KDM4B: variants seen among roughly 807,000 people sequenced by gnomAD.
The protein encoded by KDM4B is lysine-specific demethylase 4B.
A neutral mutation model predicts 125.2 loss-of-function variants in KDM4B; 32 were observed. The ratio of observed to expected loss-of-function variants is 0.26; its 90% CI spans 0.19 to 0.34. The LOEUF (loss-of-function observed/expected upper bound fraction) is 0.34, where lower values mean the gene tolerates loss of function less well. KDM4B is among the 10% of genes least tolerant of loss of function. The probability of loss-of-function intolerance (pLI) is 1.00; values close to 1 mark genes in which losing one functional copy is unlikely to be tolerated. For synonymous variants in KDM4B, 721 were observed against 677.9 expected (o/e 1.06, Z -0.99); for missense variants, 1,190 against 1,577.7 (o/e 0.75, Z 4.16).
At chr19:5,127,449 G>A (rs1461939374) in intron 11 of KDM4B, among the ~76,000 whole-genome samples, 1 of 152,198 alleles carries the variant, frequency 6.6e-6, no homozygotes, top group Admixed American at 6.5e-5. Flanking sequence ...AGCCGACAGG[G>A]AGAGGGCTGG....
chr19:5,110,974 C>T (rs949320942), intron 10 of KDM4B, among the ~76,000 whole-genome samples, 156 bp downstream of exon 10: 13 of 152,224 alleles, frequency 8.5e-5, no homozygotes, highest in Admixed American at 1.3e-4. Context: ...CGTCCTCCTC[C>T]TCCTGTTCTG....
intron 6 of KDM4B, among the ~76,000 whole-genome samples, chr19:5,069,761 C>G (rs539998433): frequency 1.0e-3 from 159 of 152,166 alleles, no homozygotes; most frequent in African/African-American, 3.7e-3. Flanking sequence ...TTACAGCCTC[C>G]TGAGTAGCTG....
intron 1 of KDM4B, among the ~76,000 whole-genome samples, chr19:4,992,328 CTCT>C: frequency 6.6e-6 from 1 of 152,208 alleles, no homozygotes; most frequent in Non-Finnish European, 1.5e-5. Flanking sequence ...TTTCCGTGTG[CTCT>C]TCTTTTTCCA....
chr19:5,083,320 T>G (rs1214629071), intron 9 of KDM4B, among the ~76,000 whole-genome samples: 1 of 152,116 alleles, frequency 6.6e-6, no homozygotes, highest in Admixed American at 6.5e-5. Context: ...CGGGGTCGCC[T>G]TGGCTGGCCA....
At chr19:4,996,565 G>A (rs936728822) in intron 1 of KDM4B, among the ~76,000 whole-genome samples, 5 of 150,944 alleles carry the variant, frequency 3.3e-5, no homozygotes, top group African/African-American at 1.2e-4. Flanking sequence ...TAGTAGTGAC[G>A]CGGTCTCGCC....
chr19:5,021,636 GTT>G (rs397859195), intron 2 of KDM4B, among the ~76,000 whole-genome samples: 42,997 of 125,812 alleles, frequency 0.34, 7,087 homozygotes, highest in East Asian at 0.63. Flanking sequence ...CCTGGCACAG[GTT>G]TTTTTTTTTT....
intron 9 of KDM4B, among the ~76,000 whole-genome samples, chr19:5,108,532 G>A (rs531964291): frequency 9.9e-5 from 15 of 152,198 alleles, no homozygotes; most frequent in East Asian, 3.9e-4. Context: ...GGTTTCCGTC[G>A]TCCCCAACCC....
At position 5,082,061 on chromosome 19, in the gene KDM4B, TC is replaced by T. The variant is rs1431295593; in HGVS notation, c.781-303del. ...CCAGCCACGGCTCCATCTGCGGTTC[TC>T]CCACTGGGGTGATGCTGACGGCCGC... On this transcript the variant is annotated intron_variant, in intron 8 of 22. Coordinates refer to ENST00000159111, the MANE Select transcript of KDM4B (RefSeq NM_015015.3). This position sits in a 1 kb window ranked among gnomAD's most constrained non-coding sequence, Gnocchi z 5.4. Among the ~76,000 whole-genome samples, 1 of 152,144 alleles carries T rather than the reference TC, an allele frequency of 6.6e-6. No homozygotes were observed. The highest frequency in any genetic ancestry group is 1.5e-5 in the Non-Finnish European group (1 of 68,024).
intron 5 of KDM4B, among the ~76,000 whole-genome samples, chr19:5,045,489 C>A (rs746552294): frequency 4.6e-5 from 7 of 152,024 alleles, no homozygotes; most frequent in South Asian, 2.1e-4. Context: ...TGGGTTCAAT[C>A]ATTTCTGTGC....
At chr19:5,001,037 CTT>C (rs567781498) in intron 1 of KDM4B, among the ~76,000 whole-genome samples, 2 of 145,136 alleles carry the variant, frequency 1.4e-5, no homozygotes, top group African/African-American at 2.5e-5. Context: ...ATGTCCCCTT[CTT>C]TTTTTTTTTT....
chr19:5,121,376 G>A (rs758410973), intron 11 of KDM4B, among the ~76,000 whole-genome samples: 2 of 152,202 alleles, frequency 1.3e-5, no homozygotes, highest in East Asian at 3.9e-4. Flanking sequence ...AAAAGGCATC[G>A]TGGGTAGAAG....
intron 2 of KDM4B, among the ~76,000 whole-genome samples, chr19:5,027,818 G>A (rs1191249122): frequency 2.6e-5 from 4 of 152,152 alleles, no homozygotes; most frequent in Admixed American, 2.0e-4. Flanking sequence ...TGGGATTACA[G>A]GCGTGAGCCA....
At position 5,082,322 on chromosome 19, in the gene KDM4B, C is replaced by T. The variant is rs779151952; in HGVS notation, c.781-45C>T. 9.3e-6 allele frequency: 15 copies of T among 1,610,376 alleles called. No individual in the cohort carries two copies. The highest frequency in any genetic ancestry group is 1.6e-4 in the Middle Eastern group (1 of 6,078). The stretch of plus-strand genomic sequence containing the variant: ...AGTGCCCACGTCCCATCCCCTGGTG[C>T]GCCTCTGGTGGCCCTGCCCTCACCT... On this transcript the variant is annotated intron_variant, in intron 8 of 22. Coordinates refer to ENST00000159111, the MANE Select transcript of KDM4B (RefSeq NM_015015.3). The surrounding 1 kb of genome is among the most constrained non-coding windows in gnomAD (Gnocchi z 5.4).
intron 1 of KDM4B, among the ~76,000 whole-genome samples, chr19:4,986,790 G>A (rs961582111): frequency 1.3e-5 from 2 of 152,216 alleles, no homozygotes; most frequent in Admixed American, 6.5e-5. Flanking sequence ...CAGCACGTGC[G>A]GAGGCCCCAA....
chr19:4,983,128 T>G (rs2034702791), intron 1 of KDM4B, among the ~76,000 whole-genome samples: 1 of 149,600 alleles, frequency 6.7e-6, no homozygotes, highest in South Asian at 2.1e-4. Flanking sequence ...ACACTGCTTT[T>G]TCTTTTCTTT....
chr19:5,120,498 AC>A (rs11307545), intron 11 of KDM4B, among the ~76,000 whole-genome samples: 30,653 of 149,248 alleles, frequency 0.21, 4,027 homozygotes, highest in East Asian at 0.62. Flanking sequence ...GGCTGGCAAG[AC>A]AGGGGGCAGC....
intron 2 of KDM4B, among the ~76,000 whole-genome samples, chr19:5,022,679 G>A (rs981483570): frequency 1.8e-4 from 28 of 152,028 alleles, no homozygotes; most frequent in Admixed American, 6.6e-4. Context: ...TTGGAGTGCC[G>A]CCTCTGTCTG....
Position 5,142,282 on chromosome 19 carries a change from G to A in KDM4B, c.2551-1685G>A, listed in dbSNP as rs765256884. Among the ~76,000 whole-genome samples the A allele has an allele frequency of 4.6e-5, 7 of 152,108 alleles. No individual in the cohort carries two copies. Among genetic ancestry groups the A allele is most frequent in the Non-Finnish European group, 1.0e-4 (7 of 67,982 alleles). ...ACTGGCCTGGGCCAGGCCAGCACTG[G>A]ATGTGGGTCTTCAAACTGCGGCTCC... On this transcript the variant is annotated intron_variant, in intron 18 of 22. Coordinates refer to ENST00000159111, the MANE Select transcript of KDM4B (RefSeq NM_015015.3). The surrounding 1 kb of genome is among the most constrained non-coding windows in gnomAD (Gnocchi z 5.4).
intron 9 of KDM4B, among the ~76,000 whole-genome samples, chr19:5,103,201 A>G (rs1284387050): frequency 1.3e-5 from 2 of 151,464 alleles, no homozygotes; most frequent in Non-Finnish European, 2.9e-5. Flanking sequence ...CAGCTCTCTG[A>G]CCCCTTCCCC....
Sources: allele counts gnomAD v4.1 joint callset (sites outside exome capture counted in the v4.1 genomes callset), GRCh38; gene constraint gnomAD v4.1.1; non-coding constraint Gnocchi (gnomAD v3.1); transcripts MANE v1.5; gene names NCBI Gene and HGNC (gene_info 2026-07-23, HGNC 2026-07-21).